The following ADGRE1 variants were observed in gnomAD, a reference collection of about 807,000 sequenced individuals.
ADGRE1 encodes EGF-like module receptor 1.
Under a neutral mutation model 102.7 loss-of-function variants are expected in ADGRE1, and 82 were observed. That is an observed-to-expected ratio of 0.80 (90% CI 0.67 to 0.96). The LOEUF is 0.96. Among genes scored for constraint, ADGRE1 ranks in the 40% least tolerant of loss-of-function variants. The pLI is 0.00. For synonymous variants in ADGRE1, 398 were observed against 399.6 expected (o/e 1.00, Z 0.05); for missense variants, 1,032 against 1,085.3 (o/e 0.95, Z 0.69).
chr19:6,901,909 A>C lies in ADGRE1; in HGVS notation c.549A>C (p.Pro183=), dbSNP rs1388429339. 1 of 1,614,216 alleles carries C rather than the reference A, an allele frequency of 6.2e-7. No homozygotes were observed. Among genetic ancestry groups the C allele is most frequent in the East Asian group, 2.2e-5 (1 of 44,888 alleles). ...AATGTGCAGATCCAAGAGCTTGCCC[A>C]GAGCATGCAACTTGTAATAACACTG... is the stretch of plus-strand genomic sequence containing the variant. ...VDECADPRAC[P]EHATCNNTVG... Residue 183 remains proline (P), a synonymous_variant, in exon 6 of 21, where the codon CCA becomes CCC. Transcript: ENST00000312053.
Position 6,926,368 on chromosome 19 carries a change from G to C in ADGRE1, c.1989G>C (p.Met663Ile). Residue 663 changes from methionine (M) to isoleucine (I), a missense_variant and splice_region_variant, in exon 16 of 21, where the codon ATG becomes ATC. Physicochemically the swap from Met to Ile is conservative, Grantham distance 10 (BLOSUM62 1). Coordinates refer to ENST00000312053, the MANE Select transcript of ADGRE1 (RefSeq NM_001974.5). ...LAGIHKTDNK[M>I]GCAIIAGFLH... ...ATGCGCATGCTTCTCCCCTCCAGAT[G>C]GGCTGCGCCATCATCGCGGGCTTCC... The C allele has an allele frequency of 1.2e-6, 2 of 1,613,818 alleles. No individual in the cohort carries two copies. Among genetic ancestry groups the C allele is most frequent in the Non-Finnish European group, 1.7e-6 (2 of 1,180,000 alleles).
At chr19:6,911,842 C>A (rs1365027445) in intron 10 of ADGRE1, among the ~76,000 whole-genome samples, 2 of 150,368 alleles carry the variant, frequency 1.3e-5, no homozygotes, top group Non-Finnish European at 3.0e-5. Flanking sequence ...ACACACACAC[C>A]CCACACACAT....
In ADGRE1 at chr19:6,937,605, C is replaced by T. The variant is rs868493398; in HGVS notation, c.2612C>T (p.Thr871Ile). Residue 871 changes from threonine (T) to isoleucine (I), a missense_variant, in exon 20 of 21, where the codon ACC (threonine) becomes ATC (isoleucine). Physicochemically the swap from Thr to Ile is moderately conservative, Grantham distance 89 (BLOSUM62 -1). Transcript: ENST00000312053. The stretch of plus-strand genomic sequence containing the variant: ...ACGAAGCCCAGCTCCCAGTCCCAGA[C>T]CTCAAGGATCTTGCTGTCCTCCATG... Reference protein sequence around the residue: ...GKTKPSSQSQTSRILLSSMPS... With the variant: ...GKTKPSSQSQISRILLSSMPS... The T allele has an allele frequency of 2.5e-6, 4 of 1,614,012 alleles. No homozygotes were observed. In the African/African-American group the frequency reaches 5.3e-5, roughly 22 times the overall value.
intron 11 of ADGRE1, 133 bp downstream of exon 11, chr19:6,913,963 G>C: frequency 9.8e-7 from 1 of 1,021,124 alleles, no homozygotes; most frequent in East Asian, 2.5e-5. Context: ...TCACAGCAAA[G>C]CAAGTCTAAT....
intron 11 of ADGRE1, among the ~76,000 whole-genome samples, 188 bp from the exon 12 acceptor site, chr19:6,916,061 T>G (rs576308903): frequency 6.6e-6 from 1 of 151,926 alleles, no homozygotes; most frequent in Non-Finnish European, 1.5e-5. Context: ...GCTGGGTTAC[T>G]CATTTATTTG....
At chr19:6,915,812 T>G (rs1039937266) in intron 11 of ADGRE1, among the ~76,000 whole-genome samples, 7 of 149,874 alleles carry the variant, frequency 4.7e-5, no homozygotes, top group African/African-American at 1.7e-4. Flanking sequence ...TCCCAGCTAC[T>G]TGGAAGGCTG....
In ADGRE1 at chr19:6,919,263, C is replaced by T. The variant is rs1180758436; in HGVS notation, c.1421-285C>T. On this transcript the variant is annotated intron_variant, in intron 12 of 20. Transcript: ENST00000312053. ...GGTCAGGATGGTCTCGATCTCCTGACCTCGTGATCCACCCGCCTTGGTCTC... is the reference window on the plus strand; with the variant it reads ...GGTCAGGATGGTCTCGATCTCCTGATCTCGTGATCCACCCGCCTTGGTCTC... Among the ~76,000 whole-genome samples the T allele has an allele frequency of 2.6e-5, 4 of 151,680 alleles. No individual in the cohort carries two copies. The East Asian group carries it at 5.8e-4, about 22-fold the overall frequency.
Position 6,921,694 on chromosome 19 carries a change from G to GT in ADGRE1, c.1621-12dup, listed in dbSNP as rs759836217. 4.9e-4 allele frequency: 763 copies of GT among 1,544,792 alleles called. 5 individuals are homozygous for GT. In the South Asian group the frequency reaches 7.0e-3, roughly 14 times the overall value. ...ATTCCCAGAAGACCTTTGTTTTTTT[G>GT]TTTTTTTGTTTTTTTTAGCCAAAGC... On this transcript the variant is annotated intron_variant, in intron 13 of 20. Coordinates refer to ENST00000312053, the MANE Select transcript of ADGRE1 (RefSeq NM_001974.5).
chr19:6,905,884 T>A, intron 8 of ADGRE1, among the ~76,000 whole-genome samples: 1 of 152,098 alleles, frequency 6.6e-6, no homozygotes, highest in East Asian at 1.9e-4. Flanking sequence ...TTCTTCTCCA[T>A]TCTATCTCCT....
intron 10 of ADGRE1, among the ~76,000 whole-genome samples, chr19:6,913,035 A>G (rs1228232610): frequency 6.6e-6 from 1 of 152,154 alleles, no homozygotes; most frequent in Non-Finnish European, 1.5e-5. Context: ...CCAGGGCTCA[A>G]GAGATCCTCC....
At chr19:6,929,524 T>C (rs868157694) in intron 17 of ADGRE1, among the ~76,000 whole-genome samples, 1 of 151,814 alleles carries the variant, frequency 6.6e-6, no homozygotes, top group East Asian at 1.9e-4. Context: ...AGCTGCCATT[T>C]TTTTTTTCTT....
chr19:6,921,025 C>T (rs569991400), intron 13 of ADGRE1, among the ~76,000 whole-genome samples: 75 of 152,246 alleles, frequency 4.9e-4, no homozygotes, highest in Non-Finnish European at 9.1e-4. Flanking sequence ...GTGGCTCTTG[C>T]CTGTAATCCC....
intron 10 of ADGRE1, among the ~76,000 whole-genome samples, chr19:6,910,985 C>T (rs530237792): frequency 1.3e-5 from 2 of 149,602 alleles, no homozygotes; most frequent in African/African-American, 4.9e-5. Flanking sequence ...TTCTAACTTT[C>T]CTGAGGATAT....
intron 9 of ADGRE1, among the ~76,000 whole-genome samples, chr19:6,906,906 T>G (rs1489945131): frequency 6.6e-6 from 1 of 152,156 alleles, no homozygotes; most frequent in African/African-American, 2.4e-5. Flanking sequence ...CCCACCTAGC[T>G]GCAAGGGAAG....
chr19:6,890,585 G>A lies in ADGRE1; in HGVS notation c.94+42G>A, dbSNP rs1568333417. 10 of 1,592,484 alleles carry A rather than the reference G, an allele frequency of 6.3e-6. No homozygotes were observed. The East Asian group carries it at 2.2e-4, about 36-fold the overall frequency. ...GAATGCAGATGCCTGAAGGGGTAGA[G>A]AAAGTTTTCTCCCCGGGGAAACATC... On this transcript the variant is annotated intron_variant, in intron 2 of 20. Transcript: ENST00000312053.
Position 6,916,298 on chromosome 19 carries a change from G to C in ADGRE1, c.1350G>C (p.Thr450=), listed in dbSNP as rs767510342. The C allele has an allele frequency of 6.2e-7, 1 of 1,613,534 alleles. No individual in the cohort carries two copies. Among genetic ancestry groups the C allele is most frequent in the Non-Finnish European group, 8.5e-7 (1 of 1,179,654 alleles). ...AAGAATGCAGTGAAGAGAATGTGAC[G>C]TTGGACTTGGTAGCCAAGGGGGATA... is the stretch of plus-strand genomic sequence containing the variant. The part of the protein sequence containing the change: ...INKECSEENV[T]LDLVAKGDKM... The change falls in exon 12 of 21, where the codon ACG becomes ACC. Residue 450 remains threonine (T), a synonymous_variant. Coordinates refer to ENST00000312053, the MANE Select transcript of ADGRE1 (RefSeq NM_001974.5).
chr19:6,901,800 T>G, intron 5 of ADGRE1, 75 bp from the exon 6 acceptor site: 1 of 1,482,250 alleles, frequency 6.7e-7, no homozygotes, highest in South Asian at 1.2e-5. Flanking sequence ...ACACTCAGAG[T>G]GCATCTCCTA....
chr19:6,898,290 T>A (rs1368759761), intron 5 of ADGRE1: 31 of 1,594,580 alleles, frequency 1.9e-5, no homozygotes, highest in Non-Finnish European at 2.6e-5. Context: ...AATTTGTAAC[T>A]CCAATTCTCT....
At chr19:6,925,752 A>C (rs1974877875) in intron 15 of ADGRE1, among the ~76,000 whole-genome samples, 1 of 151,906 alleles carries the variant, frequency 6.6e-6, no homozygotes, top group Non-Finnish European at 1.5e-5. Context: ...CCCAGGCTAG[A>C]GTGCAGTGGC....
Sources: allele counts gnomAD v4.1 joint callset (sites outside exome capture counted in the v4.1 genomes callset), GRCh38; gene constraint gnomAD v4.1.1; transcripts MANE v1.5; gene names NCBI Gene and HGNC (gene_info 2026-07-23, HGNC 2026-07-21).